The following XG variants were observed in gnomAD, a reference collection of about 807,000 sequenced individuals.
The protein encoded by XG is Xg glycoprotein (Xg blood group), also known as glycoprotein Xg.
A neutral mutation model predicts 25.7 loss-of-function variants in XG; 24 were observed. The ratio of observed to expected loss-of-function variants is 0.93; its 90% CI spans 0.68 to 1.31. XG has a LOEUF of 1.31. Among genes scored for constraint, XG ranks in the 40% most tolerant of loss-of-function variants. The probability of loss-of-function intolerance (pLI) is 0.00; values close to 1 mark genes in which losing one functional copy is unlikely to be tolerated. For synonymous variants in XG, 77 were observed against 69.2 expected, an observed-to-expected ratio of 1.11 and a Z score of -0.56; for missense variants, 181 against 187.6, an observed-to-expected ratio of 0.96 and a Z score of 0.21.
At chrX:2,782,467 A>G (rs2086739430) in intron 4 of XG, among the ~76,000 whole-genome samples, 1 of 111,728 alleles carries the variant, frequency 9.0e-6, no homozygotes, top group Admixed American at 9.5e-5. Context: ...AAGGGAGGCT[A>G]GAGTTTTATT....
chrX:2,780,332 A>C (rs2051090848), intron 3 of XG, among the ~76,000 whole-genome samples: 1 of 152,044 alleles, frequency 6.6e-6, no homozygotes, highest in Non-Finnish European at 1.5e-5. Flanking sequence ...GTGTGTTAGA[A>C]ATGCTCAGGG....
intron 1 of XG, among the ~76,000 whole-genome samples, chrX:2,763,067 G>A (rs778454979): frequency 6.6e-6 from 1 of 152,314 alleles, no homozygotes; most frequent in African/African-American, 2.4e-5. Context: ...AGGTTGCAGT[G>A]TAGTGGTGCA....
chrX:2,773,295 T>C (rs1457770958), intron 2 of XG, among the ~76,000 whole-genome samples: 2 of 73,730 alleles, frequency 2.7e-5, no homozygotes, highest in Non-Finnish European at 5.5e-5. Flanking sequence ...AGGAGAGGAA[T>C]GAAGGAGGAA....
Position 2,752,855 on chromosome X carries a change from C to A in XG, c.61+520C>A, listed in dbSNP as rs190355683. 30 of 875,250 alleles carry A rather than the reference C, an allele frequency of 3.4e-5. No homozygotes were observed. The African/African-American group carries it at 4.5e-4, about 13-fold the overall frequency. 54.2% of individuals were successfully genotyped at this position (875,250 alleles called of 1,614,324 possible). On this transcript the variant is annotated intron_variant, in intron 1 of 10. Transcript: ENST00000644266. ...GTCATTCATTCTTGCAAATTAAAAC[C>A]ACCTGAATTGTTCACATCAAAAACT... is the stretch of plus-strand genomic sequence containing the variant.
chrX:2,766,300 T>C (rs1326838353), intron 1 of XG, among the ~76,000 whole-genome samples: 7 of 151,292 alleles, frequency 4.6e-5, no homozygotes, highest in Non-Finnish European at 4.4e-5. Flanking sequence ...ACCACCACGC[T>C]CAGCTAAGTT....
At chrX:2,755,356 C>T (rs1292888845) in intron 1 of XG, among the ~76,000 whole-genome samples, 4 of 152,132 alleles carry the variant, frequency 2.6e-5, no homozygotes, top group Admixed American at 2.6e-4. Flanking sequence ...TGCAGAGTTC[C>T]TGACATTGCC....
At chrX:2,757,177 A>G (rs1464493078) in intron 1 of XG, among the ~76,000 whole-genome samples, 2 of 151,998 alleles carry the variant, frequency 1.3e-5, no homozygotes, top group Non-Finnish European at 1.5e-5. Flanking sequence ...AACACCTCTC[A>G]GTGTTCAGAT....
At chrX:2,771,920 C>T (rs1490708480) in intron 2 of XG, among the ~76,000 whole-genome samples, 3 of 152,104 alleles carry the variant, frequency 2.0e-5, no homozygotes, top group East Asian at 3.9e-4. Context: ...TGCCATTTCT[C>T]CCATGAAGTT....
At chrX:2,785,313 G>C (rs5982584) in intron 4 of XG, among the ~76,000 whole-genome samples, 14,107 of 111,345 alleles carry the variant, frequency 0.13, 1,045 homozygotes, top group African/African-American at 0.29. Flanking sequence ...GAGCAGAGGG[G>C]ATGACTTTCT....
In XG at chrX:2,773,519, GA is replaced by G. The variant is rs1569461970; in HGVS notation, c.104-1195del. On this transcript the variant is annotated intron_variant, in intron 2 of 10. Transcript: ENST00000644266. ...GGAAGGAGAGAAGGAAGGAAGGAGA[GA>G]AGGAAGGAAGGAGAGAAGGAAGGAA... 6.1e-4 allele frequency among the ~76,000 whole-genome samples: 84 copies of G among 137,272 alleles called. 3 individuals carry two copies. Among genetic ancestry groups the G allele is most frequent in the African/African-American group, 7.1e-4 (26 of 36,622 alleles). 90.1% of individuals were successfully genotyped at this position (137,272 alleles called of 152,430 possible). A position where few individuals can be genotyped will look rare whatever the true frequency, so the allele number is the denominator to read the frequency against.
chrX:2,779,536 A>G (rs2051074037), intron 3 of XG, among the ~76,000 whole-genome samples: 1 of 152,066 alleles, frequency 6.6e-6, no homozygotes, highest in African/African-American at 2.4e-5. Context: ...TTCATGGGGG[A>G]TTAGTTTTAA....
chrX:2,770,546 A>G lies in XG; in HGVS notation c.62-4A>G, dbSNP rs373368505. The G allele has an allele frequency of 4.2e-5, 67 of 1,613,772 alleles. No individual in the cohort carries two copies. In the South Asian group the frequency reaches 4.6e-4, roughly 11 times the overall value. ...GTGACTTATGCCCTGTTTGCTCCCAATAGGTCAAAGAGACTTTGATTTGGC... is the reference window on the plus strand; with the variant it reads ...GTGACTTATGCCCTGTTTGCTCCCAGTAGGTCAAAGAGACTTTGATTTGGC... On this transcript the variant is annotated splice_polypyrimidine_tract_variant and splice_region_variant and intron_variant, in intron 1 of 10. Transcript: ENST00000644266.
intron 1 of XG, among the ~76,000 whole-genome samples, chrX:2,753,757 A>G (rs949255973): frequency 2.0e-5 from 3 of 151,790 alleles, no homozygotes; most frequent in Non-Finnish European, 4.4e-5. Context: ...TAATTTTTCT[A>G]TTTTTAGTAG....
chrX:2,768,507 C>T (rs769861541), intron 1 of XG, among the ~76,000 whole-genome samples: 2 of 152,272 alleles, frequency 1.3e-5, no homozygotes, highest in East Asian at 3.9e-4. Flanking sequence ...GTGGCTCACG[C>T]CTGTAATCCC....
chrX:2,760,610 C>T (rs1462730486), intron 1 of XG, among the ~76,000 whole-genome samples: 1 of 151,134 alleles, frequency 6.6e-6, no homozygotes, highest in Non-Finnish European at 1.5e-5. Context: ...CTGGGCGTGC[C>T]TGTAGTCCCA....
intron 2 of XG, 99 bp downstream of exon 2, chrX:2,770,690 G>A: frequency 6.9e-7 from 1 of 1,442,882 alleles, no homozygotes; most frequent in Non-Finnish European, 9.8e-7. Flanking sequence ...CCAGTGTTGG[G>A]AATTTCTTGG....
At chrX:2,767,387 C>T (rs1335804229) in intron 1 of XG, among the ~76,000 whole-genome samples, 9 of 152,142 alleles carry the variant, frequency 5.9e-5, no homozygotes, top group Admixed American at 2.6e-4. Context: ...TGCCAGCAAC[C>T]GAGGACCGTT....
chrX:2,797,590 A>C (rs1426894289), intron 7 of XG, among the ~76,000 whole-genome samples: 1 of 109,883 alleles, frequency 9.1e-6, no homozygotes, highest in Non-Finnish European at 1.9e-5. Flanking sequence ...ACACATGCAC[A>C]CACACACACA....
At chrX:2,767,156 G>C (rs1047234137) in intron 1 of XG, among the ~76,000 whole-genome samples, 2 of 152,146 alleles carry the variant, frequency 1.3e-5, no homozygotes, top group African/African-American at 4.8e-5. Context: ...ATTTGGGTGG[G>C]AGGCAGGGGA....
Sources: allele counts gnomAD v4.1 joint callset (sites outside exome capture counted in the v4.1 genomes callset), GRCh38; gene constraint gnomAD v4.1.1; transcripts MANE v1.5; gene names NCBI Gene and HGNC (gene_info 2026-07-23, HGNC 2026-07-21).